ZNF536: variants seen among roughly 807,000 people sequenced by gnomAD.
ZNF536 encodes zinc finger protein 536.
A neutral mutation model predicts 84.5 loss-of-function variants in ZNF536; 13 were observed. The observed-to-expected ratio is 0.15, with a 90% CI of 0.10 to 0.24. The LOEUF (loss-of-function observed/expected upper bound fraction) is 0.24. Ranked by LOEUF, ZNF536 falls within the 10% of genes least tolerant of loss-of-function variation. The pLI, the probability that ZNF536 is intolerant of heterozygous loss-of-function variation, is 1.00. For missense variants in ZNF536, 1,536 were observed against 1,747.5 expected, an observed-to-expected ratio of 0.88 and a Z score of 2.16; for synonymous variants, 811 against 742.5, an observed-to-expected ratio of 1.09 and a Z score of -1.50.
intron 1 of ZNF536, among the ~76,000 whole-genome samples, chr19:30,402,823 A>ATATATATATATATATATATATATAT (rs71171802): frequency 8.7e-5 from 12 of 138,368 alleles, no homozygotes; most frequent in Non-Finnish European, 1.6e-4. Context: ...ATATATATAT[A>ATATATATATATATATATATATATAT]ATTTTCAAAA....
At chr19:30,651,681 G>A (rs565375132) in intron 1 of ZNF536, among the ~76,000 whole-genome samples, 60 of 152,270 alleles carry the variant, frequency 3.9e-4, no homozygotes, top group African/African-American at 1.4e-3. Context: ...AGATTTCAAA[G>A]AGAGGATCTC....
intron 1 of ZNF536, among the ~76,000 whole-genome samples, chr19:30,418,457 A>T (rs1018729879): frequency 7.2e-5 from 11 of 152,258 alleles, no homozygotes; most frequent in African/African-American, 2.2e-4. Flanking sequence ...GGTTGAATTT[A>T]ACAGAAATAT....
intron 1 of ZNF536, chr19:30,436,624 G>A: frequency 2.3e-6 from 1 of 435,204 alleles, no homozygotes; most frequent in Non-Finnish European, 3.1e-6. Flanking sequence ...GAACAGGAGT[G>A]TATTATGCTT....
Position 30,569,559 on chromosome 19 carries a change from C to CTTTTTTTT in ZNF536, c.169+20068_169+20075dup, listed in dbSNP as rs34995610. On this transcript the variant is annotated intron_variant, in intron 1 of 1. Coordinates refer to the ZNF536 transcript ENST00000592773. ...ATGGAATCGAAGCCAGATAAACGTT[C>CTTTTTTTT]TTTTTTTTTTTTTTTTTTTTTTTTT... 2.8e-3 allele frequency among the ~76,000 whole-genome samples: 153 copies of CTTTTTTTT among 55,090 alleles called. 34 individuals are homozygous for CTTTTTTTT. Among genetic ancestry groups the CTTTTTTTT allele is most frequent in the African/African-American group, 5.1e-3 (67 of 13,218 alleles). The allele number at this position is 55,090 out of a possible 152,430, so 36.1% of individuals were successfully genotyped here. A position where few individuals can be genotyped will look rare whatever the true frequency, so the allele number is the denominator to read the frequency against.
chr19:30,535,021 AG>A (rs1389112187), intron 3 of ZNF536, 22 bp downstream of exon 3: 2 of 1,600,472 alleles, frequency 1.2e-6, no homozygotes, highest in Admixed American at 3.4e-5. Context: ...GAGTGCATCC[AG>A]GGGCACAGCC....
chr19:30,380,947 G>A (rs375792584), intron 1 of ZNF536, among the ~76,000 whole-genome samples: 4 of 152,084 alleles, frequency 2.6e-5, no homozygotes, highest in East Asian at 1.9e-4. Flanking sequence ...TGCAATCACC[G>A]CTCACTGCAG....
At chr19:30,250,901 G>T (rs2024569234) in intron 1 of ZNF536, among the ~76,000 whole-genome samples, 1 of 150,444 alleles carries the variant, frequency 6.6e-6, no homozygotes, top group South Asian at 2.1e-4. Flanking sequence ...TTTAAAAATA[G>T]AATTCCTTTT....
chr19:30,306,599 T>G (rs1471563643), intron 2 of ZNF536, among the ~76,000 whole-genome samples: 1 of 152,244 alleles, frequency 6.6e-6, no homozygotes, highest in Admixed American at 6.5e-5. Flanking sequence ...GACTTTGATT[T>G]GGAAAATTGA....
chr19:30,549,372 G>A lies in ZNF536; in HGVS notation c.3753G>A (p.Pro1251=), dbSNP rs573555056. 4.3e-5 allele frequency: 68 copies of A among 1,599,058 alleles called. 1 individual carries two copies. In the South Asian group the frequency reaches 4.5e-4, roughly 11 times the overall value. The change falls in exon 4 of 5, where the codon CCG becomes CCA. Residue 1251 remains proline, a synonymous_variant. Transcript: ENST00000355537. ...ACCCCTTGGCGGGCCTGCCAAAGCCGGAGCGGGGGCCCCAGAGCCTGGACA... is the reference window on the plus strand; with the variant it reads ...ACCCCTTGGCGGGCCTGCCAAAGCCAGAGCGGGGGCCCCAGAGCCTGGACA... ...AQDPLAGLPK[P]ERGPQSLDKP...
At chr19:30,552,844 C>T (rs1012534312) in intron 4 of ZNF536, among the ~76,000 whole-genome samples, 2 of 152,152 alleles carry the variant, frequency 1.3e-5, no homozygotes, top group Admixed American at 6.5e-5. Flanking sequence ...AAAGCTCTTT[C>T]CACAGAGGAC....
intron 1 of ZNF536, among the ~76,000 whole-genome samples, chr19:30,408,064 A>C (rs1465814785): frequency 2.6e-5 from 4 of 152,122 alleles, no homozygotes; most frequent in Non-Finnish European, 5.9e-5. Flanking sequence ...GGTCTCAGGC[A>C]TATACTTTTG....
intron 2 of ZNF536, among the ~76,000 whole-genome samples, chr19:30,297,744 C>T (rs561398334): frequency 6.6e-6 from 1 of 152,292 alleles, no homozygotes; most frequent in South Asian, 2.1e-4. Context: ...ACTAAATGAA[C>T]ATCCCAGGCA....
intron 1 of ZNF536, among the ~76,000 whole-genome samples, chr19:30,234,782 C>A (rs1460659743): frequency 1.3e-5 from 2 of 151,872 alleles, no homozygotes; most frequent in Non-Finnish European, 1.5e-5. Context: ...CACGCGCACA[C>A]GCACCCCACA....
In ZNF536 at chr19:30,619,032, G is replaced by C. The variant is rs1160221259; in HGVS notation, c.169+69518G>C. Among the ~76,000 whole-genome samples, 3 of 152,262 alleles carry C rather than the reference G, an allele frequency of 2.0e-5. No individual in the cohort carries two copies. In the East Asian group the frequency reaches 5.8e-4, roughly 29 times the overall value. The stretch of plus-strand genomic sequence containing the variant: ...TTTTATTACATGAATATGCTATGTA[G>C]TGGTGAAGTTTGAGTTTTTAGTGTA... On this transcript the variant is annotated intron_variant, in intron 1 of 1. Transcript: ENST00000592773.
chr19:30,430,868 G>A (rs1357658132), intron 1 of ZNF536, among the ~76,000 whole-genome samples: 1 of 152,162 alleles, frequency 6.6e-6, no homozygotes, highest in African/African-American at 2.4e-5. Context: ...TAGAAATGGG[G>A]TTTCACCATG....
intron 2 of ZNF536, among the ~76,000 whole-genome samples, chr19:30,286,221 A>C (rs1405839704): frequency 1.3e-5 from 2 of 152,230 alleles, no homozygotes; most frequent in Non-Finnish European, 2.9e-5. Context: ...ACCAAGGATG[A>C]CATTATTGTA....
intron 1 of ZNF536, among the ~76,000 whole-genome samples, chr19:30,437,459 C>T (rs1266090182): frequency 6.6e-6 from 1 of 152,110 alleles, no homozygotes; most frequent in Non-Finnish European, 1.5e-5. Context: ...AATCTGTGCA[C>T]CCAATGGTGG....
chr19:30,636,260 A>G (rs2049061166), intron 1 of ZNF536, among the ~76,000 whole-genome samples: 1 of 152,214 alleles, frequency 6.6e-6, no homozygotes, highest in East Asian at 1.9e-4. Flanking sequence ...CTACGCAGAC[A>G]GGAAAAGTGA....
At chr19:30,376,266 T>C (rs1018820755) in intron 1 of ZNF536, among the ~76,000 whole-genome samples, 9 of 151,982 alleles carry the variant, frequency 5.9e-5, no homozygotes, top group African/African-American at 1.9e-4. Context: ...TTGTTGAGGG[T>C]GATGGTGATG....
Sources: allele counts gnomAD v4.1 joint callset (sites outside exome capture counted in the v4.1 genomes callset), GRCh38; gene constraint gnomAD v4.1.1; transcripts MANE v1.5; gene names NCBI Gene and HGNC (gene_info 2026-07-23, HGNC 2026-07-21).